Variants in PDZRN4 observed in about 807,000 individuals in gnomAD.
PDZRN4 encodes the protein PDZ domain containing ring finger 4.
Under a neutral mutation model 99.0 loss-of-function variants are expected in PDZRN4, and 70 were observed. The observed-to-expected ratio is 0.71, with a 90% CI of 0.58 to 0.86. PDZRN4 has a LOEUF of 0.86. PDZRN4 is among the 40% of genes least tolerant of loss of function. PDZRN4 has a pLI of 0.00. For synonymous variants in PDZRN4, 551 were observed against 501.6 expected, an observed-to-expected ratio of 1.10 and a Z score of -1.32; for missense variants, 1,474 against 1,331.2, an observed-to-expected ratio of 1.11 and a Z score of -1.67.
At chr12:41,335,686 T>G (rs930711036) in intron 3 of PDZRN4, among the ~76,000 whole-genome samples, 1 of 152,102 alleles carries the variant, frequency 6.6e-6, no homozygotes, top group East Asian at 1.9e-4. Context: ...TTTGTGGACT[T>G]CTGCTCAGTA....
chr12:41,283,215 G>A (rs2405906), intron 3 of PDZRN4, among the ~76,000 whole-genome samples: 78,158 of 151,922 alleles, frequency 0.51, 22,163 homozygotes, highest in East Asian at 0.71. Flanking sequence ...ACAAACTACC[G>A]TCAGAGAATA....
intron 3 of PDZRN4, among the ~76,000 whole-genome samples, chr12:41,485,532 CCTCT>C (rs1937758558): frequency 6.6e-6 from 1 of 152,036 alleles, no homozygotes; most frequent in Admixed American, 6.6e-5. Flanking sequence ...TCTCTCTCTT[CCTCT>C]CTCTTTTTCT....
At chr12:41,198,233 A>G (rs1029238128) in intron 3 of PDZRN4, among the ~76,000 whole-genome samples, 8 of 152,098 alleles carry the variant, frequency 5.3e-5, no homozygotes, top group East Asian at 1.9e-4. Context: ...TCTTATTTCT[A>G]TGATACTGAT....
intron 3 of PDZRN4, among the ~76,000 whole-genome samples, chr12:41,195,214 C>T (rs1950763302): frequency 6.6e-6 from 1 of 151,944 alleles, no homozygotes; most frequent in Non-Finnish European, 1.5e-5. Context: ...CTTTTTGTTG[C>T]CAAAAATGGT....
intron 3 of PDZRN4, among the ~76,000 whole-genome samples, chr12:41,277,363 G>A (rs1238568908): frequency 2.6e-5 from 4 of 152,096 alleles, no homozygotes; most frequent in South Asian, 2.1e-4. Flanking sequence ...CTACAAGGCC[G>A]TTGCTGAAAA....
chr12:41,294,575 T>C (rs1286649347), intron 3 of PDZRN4, among the ~76,000 whole-genome samples: 1 of 152,110 alleles, frequency 6.6e-6, no homozygotes, highest in Non-Finnish European at 1.5e-5. Context: ...TAAAATAGTA[T>C]AACAAAGAGA....
chr12:41,510,659 G>A (rs1306685523), intron 5 of PDZRN4, among the ~76,000 whole-genome samples: 1 of 152,076 alleles, frequency 6.6e-6, no homozygotes, highest in Admixed American at 6.6e-5. Flanking sequence ...AGAACCCATG[G>A]TCACCTGCCC....
intron 3 of PDZRN4, among the ~76,000 whole-genome samples, chr12:41,208,472 T>A (rs948792524): frequency 6.6e-6 from 1 of 151,878 alleles, no homozygotes; most frequent in South Asian, 2.1e-4. Flanking sequence ...ATTTAGCTTT[T>A]AATCTTTGTC....
chr12:41,350,075 G>A (rs1004626234), intron 3 of PDZRN4, among the ~76,000 whole-genome samples: 10 of 152,042 alleles, frequency 6.6e-5, no homozygotes, highest in Non-Finnish European at 1.5e-4. Context: ...ATGTAAGTGA[G>A]TCTTCCATCA....
intron 3 of PDZRN4, among the ~76,000 whole-genome samples, chr12:41,324,661 A>G (rs1002217951): frequency 6.6e-6 from 1 of 152,110 alleles, no homozygotes; most frequent in Non-Finnish European, 1.5e-5. Context: ...GGTTGGTGCA[A>G]AACTAATTGT....
intron 5 of PDZRN4, 115 bp from the exon 6 acceptor site, chr12:41,552,541 T>G: frequency 1.5e-6 from 1 of 663,908 alleles, no homozygotes; most frequent in Non-Finnish European, 2.5e-6. Flanking sequence ...TTTCCAATGT[T>G]GGGCAATAAT....
chr12:41,480,111 T>C (rs2120595692), intron 3 of PDZRN4, among the ~76,000 whole-genome samples: 1 of 152,314 alleles, frequency 6.6e-6, no homozygotes, highest in Non-Finnish European at 1.5e-5. Flanking sequence ...ATGGGCATGA[T>C]TTGGAAATAT....
At chr12:41,313,128 A>T (rs1184115767) in intron 3 of PDZRN4, among the ~76,000 whole-genome samples, 1 of 152,110 alleles carries the variant, frequency 6.6e-6, no homozygotes, top group Non-Finnish European at 1.5e-5. Flanking sequence ...TATCCTATTG[A>T]TTTAGAACCC....
At chr12:41,542,335 G>A (rs1384764983) in intron 5 of PDZRN4, among the ~76,000 whole-genome samples, 2 of 152,162 alleles carry the variant, frequency 1.3e-5, no homozygotes, top group Admixed American at 6.5e-5. Flanking sequence ...AGTGAAGTCT[G>A]CTCTTTCTTC....
Position 41,572,456 on chromosome 12 carries a change from T to C in PDZRN4, c.1677T>C (p.Asp559=). ...HEKDSGVGRT[D]ESLRNDESSE... is the part of the protein sequence containing the mutation. ...AGGACAGTGGAGTAGGACGTACAGA[T>C]GAAAGCTTGCGAAATGATGAGAGCT... The change falls in exon 10 of 10, where the codon GAT becomes GAC. Residue 559 remains aspartate, a synonymous_variant. Coordinates refer to ENST00000402685, the MANE Select transcript of PDZRN4 (RefSeq NM_001164595.2). The C allele has an allele frequency of 1.9e-6, 3 of 1,614,120 alleles. No individual in the cohort carries two copies. Among genetic ancestry groups the C allele is most frequent in the Non-Finnish European group, 2.5e-6 (3 of 1,180,012 alleles).
At position 41,563,644 on chromosome 12, in the gene PDZRN4, A is replaced by T. The variant is rs1300552199; in HGVS notation, c.1462A>T (p.Ile488Phe). ...RIVLLVARPE[I>F]QLDEGWLEDE... ...CGTGCTGCTTGTTGCAAGGCCAGAG[A>T]TTCAGGTCAGAACAGAGATCAAAAG... The change falls in exon 8 of 10, where the codon ATT becomes TTT. Residue 488 changes from isoleucine (I) to phenylalanine (F), a missense_variant. Physicochemically the swap from Ile to Phe is conservative, Grantham distance 21 (BLOSUM62 0). Transcript: ENST00000402685. 6.2e-7 allele frequency: 1 copy of T among 1,610,438 alleles called. No homozygotes were observed. The highest frequency in any genetic ancestry group is 8.5e-7 in the Non-Finnish European group (1 of 1,176,950).
chr12:41,302,640 A>C (rs1344879804), intron 3 of PDZRN4, among the ~76,000 whole-genome samples: 2 of 152,086 alleles, frequency 1.3e-5, no homozygotes, highest in African/African-American at 4.8e-5. Context: ...ATTCATGCTG[A>C]ATTTGCACAG....
At chr12:41,528,452 A>T (rs1235556687) in intron 5 of PDZRN4, among the ~76,000 whole-genome samples, 2 of 152,208 alleles carry the variant, frequency 1.3e-5, no homozygotes, top group African/African-American at 4.8e-5. Context: ...CATTGCTTGT[A>T]AAACCTAGAA....
intron 3 of PDZRN4, among the ~76,000 whole-genome samples, chr12:41,343,456 G>A (rs1232150066): frequency 6.6e-6 from 1 of 151,696 alleles, no homozygotes; most frequent in African/African-American, 2.4e-5. Flanking sequence ...GTTCTGCTCT[G>A]AATTCACCAC....
Sources: allele counts gnomAD v4.1 joint callset (sites outside exome capture counted in the v4.1 genomes callset), GRCh38; gene constraint gnomAD v4.1.1; transcripts MANE v1.5; gene names NCBI Gene and HGNC (gene_info 2026-07-23, HGNC 2026-07-21).